C1orf21: variants seen among roughly 807,000 people sequenced by gnomAD.
The protein encoded by C1orf21 is uncharacterized protein C1orf21.
Under a neutral mutation model 18.7 loss-of-function variants are expected in C1orf21, and 3 were observed. The observed-to-expected ratio is 0.16, with a 90% CI of 0.07 to 0.42. The LOEUF is 0.42. Among genes scored for constraint, C1orf21 ranks in the 10% least tolerant of loss-of-function variants. The pLI is 0.99. For synonymous variants in C1orf21, 41 were observed against 46.4 expected (o/e 0.88, Z 0.47); for missense variants, 104 against 143.6 (o/e 0.72, Z 1.41).
At chr1:184,515,118 ACCT>A (rs1658204291) in intron 3 of C1orf21, among the ~76,000 whole-genome samples, 1 of 151,854 alleles carries the variant, frequency 6.6e-6, no homozygotes, top group Admixed American at 6.6e-5. Context: ...CTCTTTGAAC[ACCT>A]CCTGGCATAG....
chr1:184,595,233 T>A (rs1243107438), intron 4 of C1orf21, among the ~76,000 whole-genome samples: 1 of 152,220 alleles, frequency 6.6e-6, no homozygotes, highest in Non-Finnish European at 1.5e-5. Context: ...GAATCTTTTG[T>A]AAGTGAATCT....
In C1orf21 at chr1:184,624,152, T is replaced by C. The variant is rs968135332; in HGVS notation, c.*4596T>C. 4.6e-5 allele frequency: 7 copies of C among 152,674 alleles called. No individual in the cohort carries two copies. The highest frequency in any genetic ancestry group is 1.0e-4 in the Non-Finnish European group (7 of 68,048). The allele number at this position is 152,674 out of a possible 1,614,324, so 9.5% of individuals were successfully genotyped here. A position where few individuals can be genotyped will look rare whatever the true frequency, so the allele number is the denominator to read the frequency against. ...ATTCAAGTATTTTTCAAATTCTTTT[T>C]ATTATGACTATGCCCTTCGCAACAC... On this transcript the variant is annotated 3_prime_UTR_variant, in exon 6 of 6. Coordinates refer to ENST00000235307, the MANE Select transcript of C1orf21 (RefSeq NM_030806.4).
intron 2 of C1orf21, among the ~76,000 whole-genome samples, chr1:184,485,806 A>G (rs1430245595): frequency 6.6e-6 from 1 of 152,196 alleles, no homozygotes; most frequent in Non-Finnish European, 1.5e-5. Flanking sequence ...GGCATAAGGA[A>G]GCTTCTGTTG....
At chr1:184,519,221 G>C (rs1658271465) in intron 3 of C1orf21, among the ~76,000 whole-genome samples, 1 of 152,126 alleles carries the variant, frequency 6.6e-6, no homozygotes, top group African/African-American at 2.4e-5. Context: ...GCTTTCCTTA[G>C]ATGCAGGGTG....
intron 3 of C1orf21, among the ~76,000 whole-genome samples, chr1:184,575,795 A>G (rs1659179122): frequency 1.3e-5 from 2 of 151,926 alleles, no homozygotes; most frequent in Non-Finnish European, 2.9e-5. Context: ...GACCCCTGCT[A>G]AGAGACCCCC....
At chr1:184,483,349 ATTC>A (rs1657683827) in intron 2 of C1orf21, among the ~76,000 whole-genome samples, 1 of 152,204 alleles carries the variant, frequency 6.6e-6, no homozygotes, top group Non-Finnish European at 1.5e-5. Flanking sequence ...TTCAACAGTC[ATTC>A]TCTTAGACAA....
intron 4 of C1orf21, among the ~76,000 whole-genome samples, chr1:184,596,028 CT>C (rs1209883690): frequency 6.6e-6 from 1 of 152,188 alleles, no homozygotes; most frequent in Non-Finnish European, 1.5e-5. Context: ...TTAGCCACCA[CT>C]TTTGGTCTCA....
chr1:184,419,021 C>T (rs1403794881), intron 1 of C1orf21, among the ~76,000 whole-genome samples: 3 of 152,130 alleles, frequency 2.0e-5, no homozygotes, highest in Non-Finnish European at 4.4e-5. Context: ...ACTCTAGAGG[C>T]TTTCCATAAT....
At chr1:184,422,836 G>A (rs1311199368) in intron 1 of C1orf21, among the ~76,000 whole-genome samples, 1 of 152,200 alleles carries the variant, frequency 6.6e-6, no homozygotes, top group Non-Finnish European at 1.5e-5. Context: ...GTCACTCTAC[G>A]TACAGAACTT....
At chr1:184,594,770 GC>G (rs1430493045) in intron 4 of C1orf21, among the ~76,000 whole-genome samples, 3 of 152,194 alleles carry the variant, frequency 2.0e-5, no homozygotes, top group Non-Finnish European at 4.4e-5. Flanking sequence ...GCTAAAGTAA[GC>G]ATATTTTAGG....
intron 3 of C1orf21, among the ~76,000 whole-genome samples, chr1:184,511,572 AGAAT>A (rs1159915331): frequency 6.6e-6 from 1 of 152,230 alleles, no homozygotes; most frequent in African/African-American, 2.4e-5. Flanking sequence ...AATGAACAGA[AGAAT>A]GAATGAATAG....
At chr1:184,436,460 G>A (rs1365803673) in intron 1 of C1orf21, among the ~76,000 whole-genome samples, 5 of 151,824 alleles carry the variant, frequency 3.3e-5, no homozygotes, top group African/African-American at 9.7e-5. Flanking sequence ...AGACACATTC[G>A]GCATGATGCA....
At position 184,620,478 on chromosome 1, in the gene C1orf21, G is replaced by T. The variant is rs968722069; in HGVS notation, c.*922G>T. The T allele has an allele frequency of 2.0e-5, 3 of 152,446 alleles. No individual in the cohort carries two copies. The highest frequency in any genetic ancestry group is 7.3e-5 in the African/African-American group (3 of 41,366). The allele number at this position is 152,446 out of a possible 1,614,324, so 9.4% of individuals were successfully genotyped here. ...ACCAAGCATTAGCAAGGCTGAAAGTGGTCTAAGAGGTGAGGGGACATCCTA... is the reference window on the plus strand; with the variant it reads ...ACCAAGCATTAGCAAGGCTGAAAGTTGTCTAAGAGGTGAGGGGACATCCTA... On this transcript the variant is annotated 3_prime_UTR_variant, in exon 6 of 6. Coordinates refer to ENST00000235307, the MANE Select transcript of C1orf21 (RefSeq NM_030806.4).
intron 3 of C1orf21, among the ~76,000 whole-genome samples, chr1:184,565,814 C>G (rs1170360754): frequency 6.6e-6 from 1 of 152,204 alleles, no homozygotes; most frequent in African/African-American, 2.4e-5. Flanking sequence ...TTATACAGAT[C>G]ACTGTTGTTC....
chr1:184,500,710 C>T lies in C1orf21; in HGVS notation c.95-6878C>T, dbSNP rs1657962642. On this transcript the variant is annotated intron_variant, in intron 2 of 5. Coordinates refer to ENST00000235307, the MANE Select transcript of C1orf21 (RefSeq NM_030806.4). ...GTTGTAATTCACTGGTGTGCTGTTT[C>T]AGTGACAGTTAAAGGAGAAGGAGCT... Among the ~76,000 whole-genome samples, 3 of 152,298 alleles carry T rather than the reference C, an allele frequency of 2.0e-5. No homozygotes were observed. In the South Asian group the frequency reaches 6.2e-4, roughly 32 times the overall value.
chr1:184,443,001 T>C (rs1266826860), intron 1 of C1orf21, among the ~76,000 whole-genome samples: 1 of 152,210 alleles, frequency 6.6e-6, no homozygotes, highest in Non-Finnish European at 1.5e-5. Context: ...TCCAACTTTA[T>C]ATGAAGCATT....
Position 184,477,466 on chromosome 1 carries a change from G to A in C1orf21, c.-44G>A, listed in dbSNP as rs777715993. The stretch of plus-strand genomic sequence containing the variant: ...AAAAAAATGTCCCTGTGTCTGTAGA[G>A]ATGATTTGCAGTTCAGCCCGGCTGA... On this transcript the variant is annotated 5_prime_UTR_variant, in exon 2 of 6. Coordinates refer to ENST00000235307, the MANE Select transcript of C1orf21 (RefSeq NM_030806.4). 4 of 1,529,948 alleles carry A rather than the reference G, an allele frequency of 2.6e-6. No individual in the cohort carries two copies. The African/African-American group carries it at 4.1e-5, about 16-fold the overall frequency. 94.8% of individuals were successfully genotyped at this position (1,529,948 alleles called of 1,614,324 possible).
intron 2 of C1orf21, among the ~76,000 whole-genome samples, chr1:184,483,855 T>A (rs951689701): frequency 6.9e-6 from 1 of 145,042 alleles, no homozygotes; most frequent in Non-Finnish European, 1.5e-5. Flanking sequence ...TTAGTGAACA[T>A]CCAAGGCACC....
chr1:184,410,818 A>C (rs1656339156), intron 1 of C1orf21, among the ~76,000 whole-genome samples: 1 of 145,046 alleles, frequency 6.9e-6, no homozygotes, highest in Admixed American at 6.9e-5. Flanking sequence ...TGCCAGGCTA[A>C]TTTTTGTATT....
Sources: gnomAD v4.1 joint callset for allele counts (sites outside exome capture counted in the v4.1 genomes callset) on GRCh38, gnomAD v4.1.1 for gene constraint, MANE v1.5 for transcripts, NCBI Gene and HGNC (gene_info 2026-07-23, HGNC 2026-07-21) for gene names.